SLC24A3: variants seen among roughly 807,000 people sequenced by gnomAD.
SLC24A3 encodes sodium/potassium/calcium exchanger 3.
A neutral mutation model predicts 75.8 loss-of-function variants in SLC24A3; 28 were observed. The ratio of observed to expected loss-of-function variants is 0.37; its 90% confidence interval spans 0.27 to 0.51. The LOEUF (loss-of-function observed/expected upper bound fraction) is 0.51, where lower values mean the gene tolerates loss of function less well. SLC24A3 is among the 20% of genes least tolerant of loss of function. SLC24A3 has a pLI of 0.94. For missense variants in SLC24A3, 663 were observed against 847.8 expected, an observed-to-expected ratio of 0.78 and a Z score of 2.71; for synonymous variants, 372 against 334.1, an observed-to-expected ratio of 1.11 and a Z score of -1.24.
chr20:19,598,174 G>A (rs147844335), intron 6 of SLC24A3, among the ~76,000 whole-genome samples: 32 of 152,162 alleles, frequency 2.1e-4, no homozygotes, highest in African/African-American at 7.7e-4. Context: ...TTTTATTCTA[G>A]GCCAATCTCC....
chr20:19,311,533 A>G (rs1455374491), intron 2 of SLC24A3, among the ~76,000 whole-genome samples: 3 of 152,110 alleles, frequency 2.0e-5, no homozygotes, highest in East Asian at 1.9e-4. Flanking sequence ...GCTGTACTAC[A>G]GGTGTGCACG....
At chr20:19,347,125 T>C (rs2122318878) in intron 2 of SLC24A3, among the ~76,000 whole-genome samples, 1 of 152,324 alleles carries the variant, frequency 6.6e-6, no homozygotes, top group Admixed American at 6.5e-5. Flanking sequence ...GAAAGGGTTA[T>C]ATATTGTATG....
chr20:19,348,299 T>C (rs1568596431), intron 2 of SLC24A3, among the ~76,000 whole-genome samples: 1 of 152,158 alleles, frequency 6.6e-6, no homozygotes, highest in Non-Finnish European at 1.5e-5. Flanking sequence ...AATTCTCAGA[T>C]GATTGGAAGG....
intron 6 of SLC24A3, among the ~76,000 whole-genome samples, chr20:19,611,565 A>G (rs575135464): frequency 9.2e-5 from 14 of 152,336 alleles, no homozygotes; most frequent in Admixed American, 8.5e-4. Context: ...AACCTTTCCA[A>G]AGGCTTTTTT....
chr20:19,320,929 C>T (rs1473216249), intron 2 of SLC24A3, among the ~76,000 whole-genome samples: 1 of 151,904 alleles, frequency 6.6e-6, no homozygotes, highest in African/African-American at 2.4e-5. Flanking sequence ...TGACTGTATA[C>T]AGAATGTGTG....
At chr20:19,677,863 G>T (rs1221454473) in intron 9 of SLC24A3, among the ~76,000 whole-genome samples, 3 of 151,992 alleles carry the variant, frequency 2.0e-5, no homozygotes, top group African/African-American at 7.2e-5. Flanking sequence ...GCCTTCCGCA[G>T]TGTTTGCCTC....
intron 2 of SLC24A3, among the ~76,000 whole-genome samples, chr20:19,321,495 C>T (rs1984705577): frequency 6.6e-6 from 1 of 152,162 alleles, no homozygotes; most frequent in Non-Finnish European, 1.5e-5. Flanking sequence ...CTTAGAGAAG[C>T]TCATGCTACG....
intron 1 of SLC24A3, among the ~76,000 whole-genome samples, chr20:19,216,534 A>G (rs1281389913): frequency 3.9e-5 from 6 of 152,128 alleles, no homozygotes; most frequent in African/African-American, 1.4e-4. Flanking sequence ...GTTTGAGCCC[A>G]GAAGACTGAG....
At chr20:19,244,028 C>T (rs1982410713) in intron 1 of SLC24A3, 1 of 152,156 alleles carries the variant, frequency 6.6e-6, no homozygotes, top group Non-Finnish European at 1.5e-5. Context: ...TGAAATATAG[C>T]TCCCTTTTAA....
At position 19,281,018 on chromosome 20, in the gene SLC24A3, A is replaced by G; in HGVS notation, c.202A>G (p.Met68Val). Reference protein sequence around the residue: ...DRKWMMARKLMQVNDTLTSED... With the variant: ...DRKWMMARKLVQVNDTLTSED... Reference sequence around the variant, plus strand: ...AAAGTGGATGATGGCGAGGAAGCTGATGCAGGTGAACGACACTCTGACTTC... The same window carrying G: ...AAAGTGGATGATGGCGAGGAAGCTGGTGCAGGTGAACGACACTCTGACTTC... Residue 68 changes from methionine to valine, a missense_variant, in exon 2 of 17, where the codon ATG becomes GTG. Transcript: ENST00000328041. The G allele has an allele frequency of 1.9e-6, 3 of 1,614,146 alleles. No individual in the cohort carries two copies. Among genetic ancestry groups the G allele is most frequent in the Non-Finnish European group, 2.5e-6 (3 of 1,180,008 alleles).
chr20:19,630,190 T>G (rs1165227513), intron 6 of SLC24A3, among the ~76,000 whole-genome samples: 1 of 152,190 alleles, frequency 6.6e-6, no homozygotes, highest in Non-Finnish European at 1.5e-5. Flanking sequence ...TGAGCAAAGT[T>G]GCCCAGATGG....
chr20:19,213,054 C>G (rs1241830131), intron 1 of SLC24A3, 70 bp downstream of exon 1: 6 of 1,144,890 alleles, frequency 5.2e-6, no homozygotes, highest in Non-Finnish European at 6.5e-6. Context: ...GGGCTGGGCG[C>G]GGGGCTCCTT....
At chr20:19,712,153 G>A (rs1204835237) in intron 15 of SLC24A3, among the ~76,000 whole-genome samples, 3 of 151,964 alleles carry the variant, frequency 2.0e-5, no homozygotes, top group Admixed American at 6.6e-5. Flanking sequence ...GTCTCACTAT[G>A]TTGCCCAGGC....
intron 9 of SLC24A3, among the ~76,000 whole-genome samples, chr20:19,676,407 G>A (rs1480867251): frequency 1.3e-5 from 2 of 152,184 alleles, no homozygotes; most frequent in Admixed American, 1.3e-4. Context: ...GGAAGCTACT[G>A]TGCTCATGAA....
intron 1 of SLC24A3, among the ~76,000 whole-genome samples, chr20:19,219,995 G>A (rs1981663648): frequency 6.6e-6 from 1 of 152,202 alleles, no homozygotes; most frequent in South Asian, 2.1e-4. Flanking sequence ...AGAAAGGGAG[G>A]TGGGTGGATT....
intron 6 of SLC24A3, among the ~76,000 whole-genome samples, chr20:19,625,433 T>A (rs2031855012): frequency 6.6e-6 from 1 of 152,220 alleles, no homozygotes; most frequent in Admixed American, 6.5e-5. Context: ...GGGACATCTT[T>A]GCTTGCCCTG....
In SLC24A3 at chr20:19,568,648, C is replaced by A. The variant is rs562175309; in HGVS notation, c.349-11352C>A. Among the ~76,000 whole-genome samples, 3 of 152,224 alleles carry A rather than the reference C, an allele frequency of 2.0e-5. No individual in the cohort carries two copies. In the South Asian group the frequency reaches 6.2e-4, roughly 32 times the overall value. On this transcript the variant is annotated intron_variant, in intron 3 of 16. Coordinates refer to ENST00000328041, the MANE Select transcript of SLC24A3 (RefSeq NM_020689.4). Reference sequence around the variant, plus strand: ...TGTTTAATAAGGACAGAGTTTCAATCTGGGAAAATGAGAAAAGCTCTGAAG... The same window carrying A: ...TGTTTAATAAGGACAGAGTTTCAATATGGGAAAATGAGAAAAGCTCTGAAG...
At position 19,612,695 on chromosome 20, in the gene SLC24A3, C is replaced by G. The variant is rs73605529; in HGVS notation, c.612+27151C>G. Among the ~76,000 whole-genome samples, 2,191 of 151,772 alleles carry G rather than the reference C, an allele frequency of 0.014. 174 individuals are homozygous for G. The East Asian group carries it at 0.25, about 17-fold the overall frequency. On this transcript the variant is annotated intron_variant, in intron 6 of 16. Coordinates refer to ENST00000328041, the MANE Select transcript of SLC24A3 (RefSeq NM_020689.4). ...GAATCTGACCACTGTGATCACCCCC[C>G]CTCTGCTGCCATCTGGCTCAGCTGC...
rs866551639 is a variant in SLC24A3, at chr20:19,678,799, G to A, written c.768-3059G>A. On this transcript the variant is annotated intron_variant, in intron 9 of 16. Transcript: ENST00000328041. ...TCACTTCTCAGACGGGGCGGTTGCC[G>A]GGCGGAGGGTCTCCTCCCTTCTCAG... Among the ~76,000 whole-genome samples the A allele has an allele frequency of 1.9e-4, 28 of 149,956 alleles. No homozygotes were observed. The South Asian group carries it at 2.3e-3, about 12-fold the overall frequency.
Sources: gnomAD v4.1 joint callset for allele counts (sites outside exome capture counted in the v4.1 genomes callset) on GRCh38, gnomAD v4.1.1 for gene constraint, MANE v1.5 for transcripts, NCBI Gene and HGNC (gene_info 2026-07-23, HGNC 2026-07-21) for gene names.